The following EFTUD2 variants were observed in gnomAD, a reference collection of about 807,000 sequenced individuals.
EFTUD2 encodes 116 kDa U5 small nuclear ribonucleoprotein component.
A neutral mutation model predicts 114.3 loss-of-function variants in EFTUD2; 9 were observed. The observed-to-expected ratio is 0.08, with a 90% CI of 0.05 to 0.14. The LOEUF is 0.14. Among genes scored for constraint, EFTUD2 ranks in the 10% least tolerant of loss-of-function variants. The pLI is 1.00. For missense variants in EFTUD2, 765 were observed against 1,241.2 expected (o/e 0.62, Z 5.76); for synonymous variants, 449 against 462.3 (o/e 0.97, Z 0.37).
intron 6 of EFTUD2, 56 bp from the exon 7 acceptor site, chr17:44,881,778 G>T: frequency 1.3e-6 from 2 of 1,547,080 alleles, no homozygotes; most frequent in African/African-American, 1.4e-5. Flanking sequence ...TCCCACAAAC[G>T]AACCATCAAT....
chr17:44,856,988 T>C (rs759715342), intron 20 of EFTUD2, 87 bp downstream of exon 20: 21 of 1,120,886 alleles, frequency 1.9e-5, no homozygotes, highest in Non-Finnish European at 2.8e-5. Context: ...ATGTGCATAG[T>C]GCTCATGGTG....
chr17:44,883,781 G>T, intron 4 of EFTUD2, 57 bp from the exon 5 acceptor site: 1 of 1,556,508 alleles, frequency 6.4e-7, no homozygotes, highest in Non-Finnish European at 8.9e-7. Flanking sequence ...CAAATGAGGA[G>T]TGGTGTAAAG....
At chr17:44,882,791 A>G (rs1274980985) in intron 6 of EFTUD2, among the ~76,000 whole-genome samples, 1 of 152,230 alleles carries the variant, frequency 6.6e-6, no homozygotes, top group Non-Finnish European at 1.5e-5. Flanking sequence ...ATATTTATAG[A>G]GCAGGCTATT....
chr17:44,895,548 T>C (rs957430930), intron 1 of EFTUD2, among the ~76,000 whole-genome samples: 1 of 152,078 alleles, frequency 6.6e-6, no homozygotes, highest in Admixed American at 6.5e-5. Flanking sequence ...GCATATTCAT[T>C]TGCATCATTT....
At chr17:44,852,269 T>G in intron 26 of EFTUD2, 140 bp downstream of exon 26, 3 of 1,061,438 alleles carry the variant, frequency 2.8e-6, no homozygotes, top group Non-Finnish European at 4.0e-6. Flanking sequence ...CAAGTTGCCC[T>G]GAATATATGC....
intron 26 of EFTUD2, 77 bp from the exon 27 acceptor site, chr17:44,851,894 T>C (rs2050459809): frequency 1.7e-6 from 2 of 1,209,562 alleles, no homozygotes; most frequent in African/African-American, 3.1e-5. Flanking sequence ...ACTCTTCTTA[T>C]TTATTTTATT....
intron 3 of EFTUD2, among the ~76,000 whole-genome samples, chr17:44,885,868 ATCC>A (rs1356378790): frequency 6.6e-6 from 1 of 151,940 alleles, no homozygotes; most frequent in African/African-American, 2.4e-5. Flanking sequence ...GGTTCAAGCG[ATCC>A]TCCTGCTCTG....
rs1035966693 is a variant in EFTUD2 at position 44,850,012 on chromosome 17, C to G, written c.*1262G>C. 1.1e-5 allele frequency: 3 copies of G among 269,676 alleles called. No individual in the cohort carries two copies. The highest frequency in any genetic ancestry group is 2.2e-5 in the Non-Finnish European group (3 of 138,418). 16.7% of individuals were successfully genotyped at this position (269,676 alleles called of 1,614,324 possible). On this transcript the variant is annotated 3_prime_UTR_variant, in exon 28 of 28. Coordinates refer to ENST00000426333, the MANE Select transcript of EFTUD2 (RefSeq NM_004247.4). ...CACTTGCTAACTGTGTGACAGTGGA[C>G]AAATCTTTCTCACTGAGCCTCAGTT... is the stretch of plus-strand genomic sequence containing the variant.
chr17:44,862,953 G>A (rs1278233685), intron 15 of EFTUD2, 47 bp from the exon 16 acceptor site: 3 of 1,525,954 alleles, frequency 2.0e-6, no homozygotes, highest in Non-Finnish European at 2.7e-6. Flanking sequence ...TATGCTCCGG[G>A]GAAGTACTAC....
intron 19 of EFTUD2, among the ~76,000 whole-genome samples, chr17:44,857,920 C>CTTT (rs528299306): frequency 1.0e-4 from 13 of 127,514 alleles, no homozygotes; most frequent in South Asian, 5.0e-4. Flanking sequence ...TTTCTTTTTC[C>CTTT]TTTTTTTTTT....
intron 11 of EFTUD2, among the ~76,000 whole-genome samples, chr17:44,870,592 G>C (rs948780236): frequency 6.6e-6 from 1 of 152,050 alleles, no homozygotes; most frequent in Non-Finnish European, 1.5e-5. Context: ...CTCTTCCTTA[G>C]CCTGCTCAAT....
intron 1 of EFTUD2, among the ~76,000 whole-genome samples, chr17:44,896,567 A>G (rs1349683649): frequency 6.6e-6 from 1 of 152,326 alleles, no homozygotes; most frequent in East Asian, 1.9e-4. Context: ...GAATCACTTG[A>G]ATCCAGGAGG....
At chr17:44,857,944 CAG>C (rs1169973441) in intron 19 of EFTUD2, among the ~76,000 whole-genome samples, 2 of 90,422 alleles carry the variant, frequency 2.2e-5, no homozygotes, top group Non-Finnish European at 4.5e-5. Context: ...TTTTTTGAGA[CAG>C]AGTCTCGCCC....
intron 3 of EFTUD2, 130 bp downstream of exon 3, chr17:44,886,455 C>A: frequency 1.4e-6 from 2 of 1,462,884 alleles, no homozygotes; most frequent in Non-Finnish European, 1.8e-6. Context: ...AATCTTAAAC[C>A]AGAAACAGTA....
intron 13 of EFTUD2, among the ~76,000 whole-genome samples, chr17:44,865,459 T>G (rs2050729049): frequency 6.6e-6 from 1 of 152,204 alleles, no homozygotes; most frequent in African/African-American, 2.4e-5. Context: ...AAGGTCACCT[T>G]GCTGTGGATC....
intron 20 of EFTUD2, among the ~76,000 whole-genome samples, chr17:44,855,539 G>A (rs1394509885): frequency 6.6e-6 from 1 of 152,076 alleles, no homozygotes; most frequent in Non-Finnish European, 1.5e-5. Context: ...CTGCACTCCA[G>A]CCTGGCGACC....
rs369433324 is a variant in EFTUD2 at position 44,853,342 on chromosome 17, G to A, written c.2515C>T (p.Pro839Ser). ...EPYYFVEVQA[P>S]ADCVSAVYTV... ...TAAACTGCAGAGACGCAATCTGCAG[G>A]GGCCTGGACCTCTACAAAGTAGTAA... The change falls in exon 25 of 28, where the codon CCT becomes TCT. Residue 839 changes from proline (P) to serine (S), a missense_variant. Physicochemically the swap from Pro to Ser is moderately conservative, Grantham distance 74 (BLOSUM62 -1). Coordinates refer to ENST00000426333, the MANE Select transcript of EFTUD2 (RefSeq NM_004247.4). The A allele has an allele frequency of 8.7e-6, 14 of 1,613,970 alleles. No homozygotes were observed. Among genetic ancestry groups the A allele is most frequent in the African/African-American group, 1.3e-5 (1 of 74,922 alleles).
intron 2 of EFTUD2, among the ~76,000 whole-genome samples, chr17:44,888,628 CAT>C (rs1373344300): frequency 6.6e-6 from 1 of 152,094 alleles, no homozygotes; most frequent in Admixed American, 6.5e-5. Flanking sequence ...ATTCTGGATA[CAT>C]TACAAAGGTA....
intron 13 of EFTUD2, 58 bp from the exon 14 acceptor site, chr17:44,865,123 G>A: frequency 6.3e-7 from 1 of 1,591,814 alleles, no homozygotes. Flanking sequence ...TGGTGCTAGA[G>A]GGAGACAAGG....
Sources: allele counts gnomAD v4.1 joint callset (sites outside exome capture counted in the v4.1 genomes callset), GRCh38; gene constraint gnomAD v4.1.1; transcripts MANE v1.5; gene names NCBI Gene and HGNC (gene_info 2026-07-23, HGNC 2026-07-21).